GAPVD1: variants seen among roughly 807,000 people sequenced by gnomAD.
GAPVD1 encodes the protein GTPase activating protein and VPS9 domains 1.
GAPVD1 carries 35 observed loss-of-function variants against 155.5 expected under a neutral mutation model. That is an observed-to-expected ratio of 0.23 (90% confidence interval 0.17 to 0.30). The LOEUF is 0.30. GAPVD1 is among the 10% of genes least tolerant of loss of function. GAPVD1 has a pLI of 1.00. For synonymous variants in GAPVD1, 636 were observed against 619.7 expected (o/e 1.03, Z -0.39); for missense variants, 1,429 against 1,775.7 (o/e 0.80, Z 3.51).
At chr9:125,309,624 C>T (rs975244325) in intron 8 of GAPVD1, among the ~76,000 whole-genome samples, 2 of 152,104 alleles carry the variant, frequency 1.3e-5, no homozygotes, top group African/African-American at 4.8e-5. Flanking sequence ...TGTGAGCCAC[C>T]GTGCCCGGGC....
intron 2 of GAPVD1, among the ~76,000 whole-genome samples, chr9:125,288,665 C>T (rs1051349470): frequency 6.6e-6 from 1 of 152,138 alleles, no homozygotes; most frequent in Non-Finnish European, 1.5e-5. Context: ...GCGTGAGCCA[C>T]CAGGCCCGGC....
rs1301149939 is a variant in GAPVD1, at chr9:125,362,776, C to T, written c.*30C>T. 4 of 1,603,640 alleles carry T rather than the reference C, an allele frequency of 2.5e-6. No individual in the cohort carries two copies. The highest frequency in any genetic ancestry group is 2.2e-5 in the East Asian group (1 of 44,712). ...GACCAAGGCCCACCAAGGCAGCAGA[C>T]TGTTAATCAGACAAACAGATCTCTG... On this transcript the variant is annotated 3_prime_UTR_variant, in exon 28 of 28. Coordinates refer to ENST00000297933, the MANE Select transcript of GAPVD1 (RefSeq NM_001282680.3).
At chr9:125,334,959 T>G (rs956596648) in intron 15 of GAPVD1, among the ~76,000 whole-genome samples, 9 of 152,204 alleles carry the variant, frequency 5.9e-5, no homozygotes, top group African/African-American at 1.2e-4. Flanking sequence ...GTTTAAAGAC[T>G]TTTCTGGTGA....
chr9:125,328,767 G>T (rs1447288207), intron 12 of GAPVD1, among the ~76,000 whole-genome samples: 1 of 151,766 alleles, frequency 6.6e-6, no homozygotes, highest in African/African-American at 2.4e-5. Flanking sequence ...TCACTTCCCA[G>T]TAGGGGCGGC....
At chr9:125,316,881 C>T (rs913070755) in intron 9 of GAPVD1, among the ~76,000 whole-genome samples, 1 of 152,218 alleles carries the variant, frequency 6.6e-6, no homozygotes, top group Admixed American at 6.5e-5. Flanking sequence ...GTTCCTGTTT[C>T]TCCACATTCT....
At chr9:125,330,314 A>T in intron 13 of GAPVD1, 96 bp downstream of exon 13, 1 of 785,644 alleles carries the variant, frequency 1.3e-6, no homozygotes, top group Non-Finnish European at 1.9e-6. Context: ...TTTGTCAAAT[A>T]CACTTTTTTT....
Position 125,355,792 on chromosome 9 carries a change from C to T in GAPVD1, c.3906C>T (p.Ser1302=), listed in dbSNP as rs149182108. The part of the protein sequence containing the change: ...LQDAQLAIER[S]VMNRIFKLAF... The stretch of plus-strand genomic sequence containing the variant: ...ATGCACAGCTGGCCATTGAGCGAAG[C>T]GTGATGAACCGGATTTTCAAGCTCG... The change falls in exon 25 of 28, where the codon AGC becomes AGT. Residue 1302 remains serine, a synonymous_variant. Coordinates refer to ENST00000297933, the MANE Select transcript of GAPVD1 (RefSeq NM_001282680.3). The T allele has an allele frequency of 3.7e-5, 60 of 1,613,230 alleles. No individual in the cohort carries two copies. The African/African-American group carries it at 5.5e-4, about 15-fold the overall frequency.
chr9:125,293,673 A>AAAAATATATATATTATATATATAATAT, intron 2 of GAPVD1, among the ~76,000 whole-genome samples: 1 of 130,454 alleles, frequency 7.7e-6, no homozygotes, highest in South Asian at 2.2e-4. Flanking sequence ...TATATAATAT[A>AAAAATATATATATTATATATATAATAT]AAAATATATA....
chr9:125,334,575 G>A lies in GAPVD1; in HGVS notation c.2428+1946G>A, dbSNP rs998384376. Among the ~76,000 whole-genome samples, 14 of 151,908 alleles carry A rather than the reference G, an allele frequency of 9.2e-5. 1 individual carries two copies. The South Asian group carries it at 1.7e-3, about 18-fold the overall frequency. ...GATAAACTGTATTTCTTATGAATAC[G>A]TAATTGGGTATTTGGCAGACATCTC... On this transcript the variant is annotated intron_variant, in intron 15 of 27. Transcript: ENST00000297933.
chr9:125,268,478 T>C (rs998985197), intron 1 of GAPVD1, among the ~76,000 whole-genome samples: 2 of 150,218 alleles, frequency 1.3e-5, no homozygotes, highest in Non-Finnish European at 3.0e-5. Flanking sequence ...TTATTTGGAA[T>C]AATTACCCCT....
intron 1 of GAPVD1, among the ~76,000 whole-genome samples, chr9:125,266,643 A>T (rs961816020): frequency 6.6e-6 from 1 of 152,080 alleles, no homozygotes; most frequent in Admixed American, 6.6e-5. Flanking sequence ...GAGGATATCT[A>T]TACTTTTTTT....
intron 2 of GAPVD1, among the ~76,000 whole-genome samples, chr9:125,283,606 T>C (rs1837156877): frequency 6.6e-6 from 1 of 151,950 alleles, no homozygotes. Flanking sequence ...CAAGTGGTCC[T>C]CTCACCTTGG....
chr9:125,294,863 C>T (rs1369157709), intron 2 of GAPVD1, among the ~76,000 whole-genome samples: 1 of 151,410 alleles, frequency 6.6e-6, no homozygotes, highest in Non-Finnish European at 1.5e-5. Context: ...TCATCAGAAG[C>T]CAAATAAAGT....
In GAPVD1 at chr9:125,290,332, G is replaced by A. The variant is rs1334346087; in HGVS notation, c.-149-5126G>A. On this transcript the variant is annotated intron_variant, in intron 2 of 27. Coordinates refer to ENST00000297933, the MANE Select transcript of GAPVD1 (RefSeq NM_001282680.3). ...AGAGAAAAATATGAACGTGGGGAAAGGGTGGCTGGATTTCTTTAGCATTGC... is the reference window on the plus strand; with the variant it reads ...AGAGAAAAATATGAACGTGGGGAAAAGGTGGCTGGATTTCTTTAGCATTGC... Among the ~76,000 whole-genome samples the A allele has an allele frequency of 2.0e-5, 3 of 152,130 alleles. No individual in the cohort carries two copies. In the East Asian group the frequency reaches 5.8e-4, roughly 29 times the overall value.
chr9:125,284,096 G>A (rs1040069158), intron 2 of GAPVD1, among the ~76,000 whole-genome samples: 12 of 151,100 alleles, frequency 7.9e-5, no homozygotes, highest in African/African-American at 1.2e-4. Context: ...GGCTGGTCTT[G>A]AACTCCTGAC....
intron 12 of GAPVD1, among the ~76,000 whole-genome samples, chr9:125,329,644 T>C (rs1845792331): frequency 6.6e-6 from 1 of 151,894 alleles, no homozygotes; most frequent in African/African-American, 2.4e-5. Flanking sequence ...GTTTTTTTTT[T>C]TTTTTTGAGA....
At chr9:125,268,525 G>A (rs1588506474) in intron 1 of GAPVD1, among the ~76,000 whole-genome samples, 1 of 129,894 alleles carries the variant, frequency 7.7e-6, no homozygotes, top group African/African-American at 3.0e-5. Flanking sequence ...TTCGAGACAA[G>A]GTCTTGGTCT....
intron 9 of GAPVD1, among the ~76,000 whole-genome samples, chr9:125,317,258 C>T (rs930023615): frequency 6.7e-6 from 1 of 149,676 alleles, no homozygotes; most frequent in African/African-American, 2.5e-5. Flanking sequence ...GCGGAGGTTG[C>T]AGTGAGCCAA....
intron 9 of GAPVD1, among the ~76,000 whole-genome samples, chr9:125,320,646 G>A (rs1844190409): frequency 6.6e-6 from 1 of 151,494 alleles, no homozygotes; most frequent in Non-Finnish European, 1.5e-5. Context: ...ATTTTTTTGA[G>A]ATGGAGTCTC....
Sources: allele counts gnomAD v4.1 joint callset (sites outside exome capture counted in the v4.1 genomes callset), GRCh38; gene constraint gnomAD v4.1.1; transcripts MANE v1.5; gene names NCBI Gene and HGNC (gene_info 2026-07-23, HGNC 2026-07-21).